Variants in B3GALT5 observed in about 807,000 individuals in gnomAD.
B3GALT5 encodes beta-1,3-galactosyltransferase 5.
For synonymous variants in B3GALT5, 156 were observed against 158.6 expected (o/e 0.98, Z 0.12); for missense variants, 328 against 396.6 (o/e 0.83, Z 1.47).
At position 39,661,451 on chromosome 21, in the gene B3GALT5, G is replaced by T; in HGVS notation, c.892G>T (p.Ala298Ser). The change falls in exon 4 of 4, where the codon GCT becomes TCT. Residue 298 changes from alanine to serine, a missense_variant. Physicochemically the swap from Ala to Ser is moderately conservative, Grantham distance 99. Transcript: ENST00000684187. The surrounding 1 kb of genome is among the most constrained non-coding windows in gnomAD (Gnocchi z 4.7). ...KPRTLLDYWQALENSRGEDCP... is the reference protein window; with the variant it reads ...KPRTLLDYWQSLENSRGEDCP... ...TCGGACTCTCTTGGACTACTGGCAG[G>T]CTCTAGAGAATTCCCGGGGGGAAGA... The T allele has an allele frequency of 8.6e-6, 13 of 1,516,422 alleles. No homozygotes were observed. Among genetic ancestry groups the T allele is most frequent in the Non-Finnish European group, 1.1e-5 (12 of 1,133,984 alleles). 93.9% of individuals were successfully genotyped at this position (1,516,422 alleles called of 1,614,324 possible).
rs1333311762 is a variant in B3GALT5, at chr21:39,670,701, A to G, written c.*9209A>G. 3 of 152,064 alleles carry G rather than the reference A, an allele frequency of 2.0e-5. No individual in the cohort carries two copies. In the South Asian group the frequency reaches 6.2e-4, roughly 32 times the overall value. The allele number at this position is 152,064 out of a possible 1,614,324, so 9.4% of individuals were successfully genotyped here. Reference sequence around the variant, plus strand: ...AGGCAAGAACTGAGGAGGCAATACTATTTAGAATCCTTGATAAACAGTTCC... The same window carrying G: ...AGGCAAGAACTGAGGAGGCAATACTGTTTAGAATCCTTGATAAACAGTTCC... On this transcript the variant is annotated 3_prime_UTR_variant, in exon 4 of 4. Coordinates refer to ENST00000684187, the MANE Select transcript of B3GALT5 (RefSeq NM_001356336.2).
Position 39,661,727 on chromosome 21 carries a change from T to C in B3GALT5, c.*235T>C, listed in dbSNP as rs1326496468. The stretch of plus-strand genomic sequence containing the variant: ...ACTAAGTGTTTGACATACACCTGGA[T>C]TTTTGCATTTCAGGGGTCAGTATCC... On this transcript the variant is annotated 3_prime_UTR_variant, in exon 4 of 4. Coordinates refer to ENST00000684187, the MANE Select transcript of B3GALT5 (RefSeq NM_001356336.2). This position sits in a 1 kb window ranked among gnomAD's most constrained non-coding sequence, Gnocchi z 4.7. 6 of 413,948 alleles carry C rather than the reference T, an allele frequency of 1.4e-5. No homozygotes were observed. The highest frequency in any genetic ancestry group is 2.7e-5 in the Non-Finnish European group (6 of 226,364). The allele number at this position is 413,948 out of a possible 1,614,324, so 25.6% of individuals were successfully genotyped here.
At chr21:39,633,121 A>G (rs1347765052) in intron 1 of B3GALT5, among the ~76,000 whole-genome samples, 3 of 152,172 alleles carry the variant, frequency 2.0e-5, no homozygotes, top group African/African-American at 7.2e-5. Flanking sequence ...GGGCAGGGAA[A>G]TGGTGGCTGT....
intron 2 of B3GALT5, among the ~76,000 whole-genome samples, chr21:39,658,858 T>C (rs185246536): frequency 4.4e-5 from 3 of 67,936 alleles, no homozygotes. Flanking sequence ...TCTAGAAAGC[T>C]CCATTATTAT....
At chr21:39,618,043 T>A (rs78263128) in intron 1 of B3GALT5, among the ~76,000 whole-genome samples, 1 of 152,030 alleles carries the variant, frequency 6.6e-6, no homozygotes, top group African/African-American at 2.4e-5. Context: ...TAGTCCTAGA[T>A]ACTTGGGAGG....
At chr21:39,615,807 A>G (rs909336157) in intron 1 of B3GALT5, among the ~76,000 whole-genome samples, 8 of 152,240 alleles carry the variant, frequency 5.3e-5, no homozygotes, top group Admixed American at 2.0e-4. Flanking sequence ...AGGTATATAC[A>G]TGCTACTTAA....
chr21:39,633,730 A>G (rs1191334069), intron 1 of B3GALT5, among the ~76,000 whole-genome samples: 1 of 152,232 alleles, frequency 6.6e-6, no homozygotes, highest in East Asian at 1.9e-4. Flanking sequence ...GTGCAAAGGC[A>G]TGGATTTAAG....
rs2079097805 is a variant in B3GALT5, at chr21:39,614,600, C to T, written c.-392+1533C>T. Among the ~76,000 whole-genome samples, 5 of 152,196 alleles carry T rather than the reference C, an allele frequency of 3.3e-5. No individual in the cohort carries two copies. The South Asian group carries it at 1.0e-3, about 31-fold the overall frequency. ...TGGTTTTATGAGATTCTGCATACCT[C>T]ACCATGGCCAAACTTCTCCACACGG... On this transcript the variant is annotated intron_variant, in intron 1 of 3. Coordinates refer to ENST00000684187, the MANE Select transcript of B3GALT5 (RefSeq NM_001356336.2).
Position 39,662,955 on chromosome 21 carries a change from CT to C in B3GALT5, c.*1464del, listed in dbSNP as rs1290052648. 1.3e-5 allele frequency: 2 copies of C among 158,554 alleles called. No individual in the cohort carries two copies. Among genetic ancestry groups the C allele is most frequent in the Non-Finnish European group, 2.9e-5 (2 of 68,068 alleles). The allele number at this position is 158,554 out of a possible 1,614,324, so 9.8% of individuals were successfully genotyped here. ...ACCATGTTCAATTGCAAAAGTACGT[CT>C]GATATCCTATTTTGCATACCATTTC... is the stretch of plus-strand genomic sequence containing the variant. On this transcript the variant is annotated 3_prime_UTR_variant, in exon 4 of 4. Coordinates refer to ENST00000684187, the MANE Select transcript of B3GALT5 (RefSeq NM_001356336.2).
At chr21:39,630,789 G>C (rs1037824003) in intron 1 of B3GALT5, among the ~76,000 whole-genome samples, 2 of 152,176 alleles carry the variant, frequency 1.3e-5, no homozygotes, top group Admixed American at 1.3e-4. Flanking sequence ...ATACTAGAGG[G>C]TGGGGCAGGG....
At chr21:39,652,566 C>T (rs2079406281) in intron 2 of B3GALT5, among the ~76,000 whole-genome samples, 2 of 152,236 alleles carry the variant, frequency 1.3e-5, no homozygotes, top group South Asian at 4.1e-4. Flanking sequence ...TCATTCCTTT[C>T]ATCCTAGCAG....
intron 1 of B3GALT5, among the ~76,000 whole-genome samples, chr21:39,644,907 G>A (rs996365505): frequency 3.3e-5 from 5 of 152,082 alleles, no homozygotes; most frequent in African/African-American, 9.7e-5. Flanking sequence ...TGTCTTGGGG[G>A]GATGGATGTG....
chr21:39,648,804 G>A (rs1457589332), intron 2 of B3GALT5, among the ~76,000 whole-genome samples: 2 of 151,364 alleles, frequency 1.3e-5, no homozygotes, highest in African/African-American at 2.4e-5. Flanking sequence ...GTGAGGTCCC[G>A]AGGGTGGAGC....
chr21:39,617,584 C>G (rs149340584), intron 1 of B3GALT5, among the ~76,000 whole-genome samples: 3 of 152,322 alleles, frequency 2.0e-5, no homozygotes, highest in South Asian at 2.1e-4. Context: ...AATCCAATCA[C>G]TTCCCTCCCT....
At chr21:39,630,433 C>T (rs2123695669) in intron 1 of B3GALT5, 1 of 150,220 alleles carries the variant, frequency 6.7e-6, no homozygotes. Context: ...TGGCCACACT[C>T]TTCCGCCATG....
At position 39,672,079 on chromosome 21, in the gene B3GALT5, G is replaced by A. The variant is rs774919807; in HGVS notation, c.*10587G>A. The A allele has an allele frequency of 5.3e-5, 8 of 152,214 alleles. No individual in the cohort carries two copies. The highest frequency in any genetic ancestry group is 1.9e-4 in the East Asian group (1 of 5,198). The allele number at this position is 152,214 out of a possible 1,614,324, so 9.4% of individuals were successfully genotyped here. Reference sequence around the variant, plus strand: ...ACTCCATAGCCAAATGCAACATTTTGTGTCATACTGCTTTACATCATCTAT... The same window carrying A: ...ACTCCATAGCCAAATGCAACATTTTATGTCATACTGCTTTACATCATCTAT... On this transcript the variant is annotated 3_prime_UTR_variant, in exon 4 of 4. Transcript: ENST00000684187.
At position 39,645,733 on chromosome 21, in the gene B3GALT5, T is replaced by G. The variant is rs901769333; in HGVS notation, c.-391-659T>G. Reference sequence around the variant, plus strand: ...ACTTGGAATAGAGACCTGTTGTCCCTGTTCCAGTTGGGACAACCTTTGAGA... The same window carrying G: ...ACTTGGAATAGAGACCTGTTGTCCCGGTTCCAGTTGGGACAACCTTTGAGA... On this transcript the variant is annotated intron_variant, in intron 1 of 3. Coordinates refer to ENST00000684187, the MANE Select transcript of B3GALT5 (RefSeq NM_001356336.2). Among the ~76,000 whole-genome samples the G allele has an allele frequency of 2.0e-5, 3 of 152,292 alleles. No individual in the cohort carries two copies. The East Asian group carries it at 5.8e-4, about 29-fold the overall frequency.
Position 39,628,979 on chromosome 21 carries a change from G to A in B3GALT5, c.-392+15912G>A, listed in dbSNP as rs116548538. Among the ~76,000 whole-genome samples the A allele has an allele frequency of 5.3e-3, 799 of 152,160 alleles. 5 individuals carry two copies. The highest frequency in any genetic ancestry group is 0.018 in the African/African-American group (767 of 41,520). On this transcript the variant is annotated intron_variant, in intron 1 of 3. Coordinates refer to ENST00000684187, the MANE Select transcript of B3GALT5 (RefSeq NM_001356336.2). ...ACTTGAGATTCCACCCAGTTCCCTTGGATTCCACATGCAGAACTCTTAACA... is the reference window on the plus strand; with the variant it reads ...ACTTGAGATTCCACCCAGTTCCCTTAGATTCCACATGCAGAACTCTTAACA...
At chr21:39,651,783 T>A (rs577322528) in intron 2 of B3GALT5, among the ~76,000 whole-genome samples, 2 of 152,034 alleles carry the variant, frequency 1.3e-5, no homozygotes, top group South Asian at 2.1e-4. Flanking sequence ...CAGTTTTTTT[T>A]ATCAGATCTA....
Sources: gnomAD v4.1 joint callset for allele counts (sites outside exome capture counted in the v4.1 genomes callset) on GRCh38, gnomAD v4.1.1 for gene constraint, Gnocchi (gnomAD v3.1) non-coding constraint, MANE v1.5 for transcripts, NCBI Gene and HGNC (gene_info 2026-07-23, HGNC 2026-07-21) for gene names.